Variants in MOB3B observed in about 807,000 individuals in gnomAD.
The protein encoded by MOB3B is MOB kinase activator 3B, also known as MOB kinase activator-like 2B.
A neutral mutation model predicts 18.7 loss-of-function variants in MOB3B; 7 were observed. That is an observed-to-expected ratio of 0.37 (90% CI 0.21 to 0.70). MOB3B has a LOEUF of 0.70. MOB3B is among the 30% of genes least tolerant of loss of function. The pLI, the probability that MOB3B is intolerant of heterozygous loss-of-function variation, is 0.52. For synonymous variants in MOB3B, 111 were observed against 99.9 expected, an observed-to-expected ratio of 1.11 and a Z score of -0.66; for missense variants, 253 against 281.3, an observed-to-expected ratio of 0.90 and a Z score of 0.72.
intron 3 of MOB3B, among the ~76,000 whole-genome samples, chr9:27,338,612 C>T (rs973375920): frequency 6.6e-6 from 1 of 152,180 alleles, no homozygotes; most frequent in Non-Finnish European, 1.5e-5. Flanking sequence ...TCCCAAACAA[C>T]TCTACAGCCA....
intron 2 of MOB3B, among the ~76,000 whole-genome samples, chr9:27,435,047 T>TTCTC (rs60408942): frequency 0.025 from 3,699 of 145,888 alleles, 52 homozygotes; most frequent in South Asian, 0.046. Flanking sequence ...TGTAAGGTGT[T>TTCTC]TCTCTCTCTC....
At chr9:27,422,048 G>T (rs1321686051) in intron 2 of MOB3B, among the ~76,000 whole-genome samples, 1 of 152,164 alleles carries the variant, frequency 6.6e-6, no homozygotes, top group African/African-American at 2.4e-5. Flanking sequence ...AACAGTGCCT[G>T]GAACCCAGTA....
At chr9:27,403,625 C>T (rs1187565978) in intron 2 of MOB3B, among the ~76,000 whole-genome samples, 1 of 148,374 alleles carries the variant, frequency 6.7e-6, no homozygotes, top group African/African-American at 2.5e-5. Flanking sequence ...CTCCACCTCC[C>T]AGGTTGAAGC....
chr9:27,428,774 T>A (rs553952870), intron 2 of MOB3B, among the ~76,000 whole-genome samples: 1 of 152,326 alleles, frequency 6.6e-6, no homozygotes, highest in East Asian at 1.9e-4. Context: ...AAATGCTGCA[T>A]GCTCAAGGGG....
chr9:27,435,870 G>A (rs1302821622), intron 2 of MOB3B, among the ~76,000 whole-genome samples: 1 of 152,114 alleles, frequency 6.6e-6, no homozygotes, highest in Non-Finnish European at 1.5e-5. Context: ...CAAAGTGCTG[G>A]GATTAAAGGT....
chr9:27,425,879 G>A (rs1822321165), intron 2 of MOB3B, among the ~76,000 whole-genome samples: 2 of 152,066 alleles, frequency 1.3e-5, no homozygotes, highest in African/African-American at 2.4e-5. Context: ...AAACCACAAA[G>A]GGCCTGAAAT....
intron 2 of MOB3B, among the ~76,000 whole-genome samples, chr9:27,362,635 A>G (rs1162700651): frequency 6.6e-6 from 1 of 152,174 alleles, no homozygotes; most frequent in African/African-American, 2.4e-5. Context: ...CATGTTCAGC[A>G]TGCACTGCAG....
intron 3 of MOB3B, 49 bp from the exon 4 acceptor site, chr9:27,330,665 A>G (rs767533902): frequency 6.2e-7 from 1 of 1,612,692 alleles, no homozygotes; most frequent in Non-Finnish European, 8.5e-7. Flanking sequence ...TAAGCAGAGC[A>G]ACGATTTGGT....
intron 1 of MOB3B, among the ~76,000 whole-genome samples, chr9:27,460,181 A>G (rs1426429701): frequency 6.6e-6 from 1 of 152,234 alleles, no homozygotes; most frequent in African/African-American, 2.4e-5. Flanking sequence ...ATGCACCAAC[A>G]TGCATACTGA....
Position 27,507,381 on chromosome 9 carries a change from G to A in MOB3B, c.-199+22174C>T, listed in dbSNP as rs144970827. On this transcript the variant is annotated intron_variant, in intron 1 of 3. Coordinates refer to ENST00000262244, the MANE Select transcript of MOB3B (RefSeq NM_024761.5). The stretch of plus-strand genomic sequence containing the variant: ...CCCAGTCTTGTTATTGTCATATTGT[G>A]CACAGTAGCTACTTTCTCCTCACTG... Among the ~76,000 whole-genome samples the A allele has an allele frequency of 1.3e-3, 192 of 152,274 alleles. 2 individuals are homozygous for A. Among genetic ancestry groups the A allele is most frequent in the African/African-American group, 4.5e-3 (185 of 41,542 alleles).
intron 2 of MOB3B, among the ~76,000 whole-genome samples, chr9:27,372,658 T>C (rs1821440594): frequency 6.6e-6 from 1 of 151,946 alleles, no homozygotes. Context: ...TATCTAACCA[T>C]AAAAAAAATC....
At chr9:27,444,150 G>A (rs1420204806) in intron 2 of MOB3B, among the ~76,000 whole-genome samples, 1 of 112,908 alleles carries the variant, frequency 8.9e-6, no homozygotes, top group East Asian at 2.5e-4. Context: ...GAAAGAAGAA[G>A]GAAAGAAGGA....
chr9:27,510,246 C>T (rs553573132), intron 1 of MOB3B, among the ~76,000 whole-genome samples: 31 of 152,242 alleles, frequency 2.0e-4, no homozygotes, highest in African/African-American at 7.0e-4. Flanking sequence ...TTGAGTTTTT[C>T]GTATTTCTGT....
At chr9:27,510,522 TTATTA>T (rs1157308260) in intron 1 of MOB3B, among the ~76,000 whole-genome samples, 1 of 152,224 alleles carries the variant, frequency 6.6e-6, no homozygotes, top group African/African-American at 2.4e-5. Flanking sequence ...TCAAATAAGT[TTATTA>T]TATTATAGGT....
At chr9:27,385,086 C>A (rs1288196359) in intron 2 of MOB3B, among the ~76,000 whole-genome samples, 2 of 152,122 alleles carry the variant, frequency 1.3e-5, no homozygotes, top group Non-Finnish European at 2.9e-5. Context: ...GTTGCATGGC[C>A]CTGCTACAGG....
At chr9:27,378,485 C>T (rs1821523524) in intron 2 of MOB3B, 1 of 471,046 alleles carries the variant, frequency 2.1e-6, no homozygotes, top group Non-Finnish European at 4.4e-6. Flanking sequence ...ACTCCTGGCG[C>T]AAGGGCAAAA....
intron 3 of MOB3B, among the ~76,000 whole-genome samples, chr9:27,346,323 G>A (rs1024587475): frequency 2.0e-5 from 3 of 152,300 alleles, no homozygotes; most frequent in East Asian, 3.9e-4. Flanking sequence ...ATAGCAGCCC[G>A]AATGGTCTAG....
At chr9:27,524,340 A>G (rs150777043) in intron 1 of MOB3B, 4 of 1,602,966 alleles carry the variant, frequency 2.5e-6, no homozygotes, top group African/African-American at 2.7e-5. Flanking sequence ...AAAAAAAATG[A>G]GCACCAAACC....
At chr9:27,437,371 T>G (rs944601396) in intron 2 of MOB3B, among the ~76,000 whole-genome samples, 1 of 152,210 alleles carries the variant, frequency 6.6e-6, no homozygotes, top group Non-Finnish European at 1.5e-5. Context: ...TTGGGACTAT[T>G]ATATAATTAT....
Sources: allele counts gnomAD v4.1 joint callset (sites outside exome capture counted in the v4.1 genomes callset), GRCh38; gene constraint gnomAD v4.1.1; transcripts MANE v1.5; gene names NCBI Gene and HGNC (gene_info 2026-07-23, HGNC 2026-07-21).